The following FHIT variants were observed in gnomAD, a reference collection of about 807,000 sequenced individuals.
FHIT encodes bis(5'-adenosyl)-triphosphatase.
A neutral mutation model predicts 17.9 loss-of-function variants in FHIT; 19 were observed. The observed-to-expected ratio is 1.06, with a 90% CI of 0.74 to 1.56. The LOEUF is 1.56. Ranked by LOEUF, FHIT falls within the 40% of genes most tolerant of loss-of-function variation. The pLI is 0.00. For missense variants in FHIT, 248 were observed against 189.2 expected, an observed-to-expected ratio of 1.31 and a Z score of -1.82; for synonymous variants, 81 against 69.7, an observed-to-expected ratio of 1.16 and a Z score of -0.81.
At chr3:61,060,340 C>A (rs371806841) in intron 2 of FHIT, among the ~76,000 whole-genome samples, 1 of 152,102 alleles carries the variant, frequency 6.6e-6, no homozygotes, top group Non-Finnish European at 1.5e-5. Flanking sequence ...TTTCCAGGAA[C>A]CTATCAATGA....
chr3:60,989,511 A>G (rs760697534), intron 3 of FHIT, among the ~76,000 whole-genome samples: 9 of 152,146 alleles, frequency 5.9e-5, no homozygotes, highest in Admixed American at 4.6e-4. Context: ...TCTTTCATTT[A>G]ACCTTCACAA....
At chr3:59,877,679 G>T (rs2106936518) in intron 8 of FHIT, among the ~76,000 whole-genome samples, 1 of 152,168 alleles carries the variant, frequency 6.6e-6, no homozygotes, top group East Asian at 1.9e-4. Context: ...AGATTTTAGA[G>T]GGATTCAGAT....
intron 7 of FHIT, among the ~76,000 whole-genome samples, chr3:59,987,782 G>A (rs1368514662): frequency 6.6e-6 from 1 of 151,892 alleles, no homozygotes; most frequent in Non-Finnish European, 1.5e-5. Context: ...TTCCCTACAT[G>A]GCCTACTTAT....
At chr3:60,422,840 C>G (rs1014930739) in intron 5 of FHIT, among the ~76,000 whole-genome samples, 1 of 152,070 alleles carries the variant, frequency 6.6e-6, no homozygotes, top group Non-Finnish European at 1.5e-5. Context: ...GATCCAAATT[C>G]TTCAACCTAG....
chr3:60,428,742 C>G (rs1291865078), intron 5 of FHIT, among the ~76,000 whole-genome samples: 2 of 152,108 alleles, frequency 1.3e-5, no homozygotes, highest in African/African-American at 2.4e-5. Flanking sequence ...TAAGGTTACT[C>G]TTAATGAGAA....
chr3:59,771,391 G>T (rs985893656), intron 8 of FHIT, among the ~76,000 whole-genome samples: 6 of 152,106 alleles, frequency 3.9e-5, no homozygotes, highest in Admixed American at 1.3e-4. Context: ...TTTTAAAAAA[G>T]ACAATTCTCC....
chr3:61,210,413 A>G (rs867864416), intron 1 of FHIT, among the ~76,000 whole-genome samples: 1 of 152,220 alleles, frequency 6.6e-6, no homozygotes, highest in African/African-American at 2.4e-5. Context: ...GGTGGAGCCT[A>G]CAGAGGCAGA....
intron 7 of FHIT, among the ~76,000 whole-genome samples, chr3:59,965,986 A>C (rs191629197): frequency 1.4e-4 from 22 of 152,324 alleles, no homozygotes; most frequent in Admixed American, 1.2e-3. Flanking sequence ...AGACTGGATG[A>C]ATAGAAATAA....
intron 5 of FHIT, among the ~76,000 whole-genome samples, chr3:60,169,397 T>G (rs1701319887): frequency 6.6e-6 from 1 of 152,178 alleles, no homozygotes; most frequent in Admixed American, 6.5e-5. Context: ...CAAAAGCATG[T>G]TGGCTAATTT....
At chr3:60,273,908 C>T (rs1220385926) in intron 5 of FHIT, among the ~76,000 whole-genome samples, 1 of 152,106 alleles carries the variant, frequency 6.6e-6, no homozygotes, top group Non-Finnish European at 1.5e-5. Flanking sequence ...ATAAAAGTAT[C>T]TCATCTTTGT....
intron 3 of FHIT, among the ~76,000 whole-genome samples, chr3:60,966,407 C>T (rs914209201): frequency 6.6e-6 from 1 of 152,222 alleles, no homozygotes; most frequent in Non-Finnish European, 1.5e-5. Context: ...GATGTCCCGC[C>T]CTGCTTTGGC....
chr3:60,781,939 CAT>C (rs1700403268), intron 4 of FHIT, among the ~76,000 whole-genome samples: 1 of 152,216 alleles, frequency 6.6e-6, no homozygotes, highest in Admixed American at 6.5e-5. Context: ...AGCTAATTAA[CAT>C]AGCCATCACC....
At chr3:60,676,960 C>T (rs1039285286) in intron 4 of FHIT, among the ~76,000 whole-genome samples, 15 of 152,124 alleles carry the variant, frequency 9.9e-5, no homozygotes, top group Admixed American at 2.6e-4. Context: ...CTACAACTTC[C>T]GCCTCCTGGG....
chr3:59,929,363 GT>G (rs869243844), intron 7 of FHIT, among the ~76,000 whole-genome samples: 4,817 of 67,102 alleles, frequency 0.072, 25 homozygotes, highest in African/African-American at 0.11. Flanking sequence ...TGTTTTTTTG[GT>G]TTTTTTTTTT....
intron 5 of FHIT, among the ~76,000 whole-genome samples, chr3:60,270,887 C>T (rs1398046410): frequency 6.6e-6 from 1 of 152,168 alleles, no homozygotes; most frequent in African/African-American, 2.4e-5. Flanking sequence ...GCACAGCAGA[C>T]TGACAATGAT....
chr3:60,562,502 C>T (rs1015423555), intron 4 of FHIT, among the ~76,000 whole-genome samples: 2 of 152,116 alleles, frequency 1.3e-5, no homozygotes, highest in Admixed American at 6.5e-5. Flanking sequence ...GTCAGGGTGG[C>T]CAGCTTTTCC....
At chr3:59,964,446 T>G (rs974074728) in intron 7 of FHIT, among the ~76,000 whole-genome samples, 7 of 152,126 alleles carry the variant, frequency 4.6e-5, no homozygotes, top group Admixed American at 3.9e-4. Flanking sequence ...TTACCCCATG[T>G]GATGGGATAT....
At chr3:60,511,353 CCTT>C (rs982146592) in intron 5 of FHIT, among the ~76,000 whole-genome samples, 2 of 152,052 alleles carry the variant, frequency 1.3e-5, no homozygotes, top group African/African-American at 2.4e-5. Context: ...CAGAATGTCT[CCTT>C]CTACACAGAC....
chr3:60,611,853 G>C (rs991585658), intron 4 of FHIT, among the ~76,000 whole-genome samples: 2 of 152,188 alleles, frequency 1.3e-5, no homozygotes, highest in Non-Finnish European at 2.9e-5. Flanking sequence ...CAGATATGGA[G>C]GTTAGTGAAA....
Sources: allele counts gnomAD v4.1 joint callset (sites outside exome capture counted in the v4.1 genomes callset), GRCh38; gene constraint gnomAD v4.1.1; transcripts MANE v1.5; gene names NCBI Gene and HGNC (gene_info 2026-07-23, HGNC 2026-07-21).